DLGAP2: variants seen among roughly 807,000 people sequenced by gnomAD.
The protein encoded by DLGAP2 is DLG associated protein 2.
Under a neutral mutation model 100.3 loss-of-function variants are expected in DLGAP2, and 26 were observed. That is an observed-to-expected ratio of 0.26 (90% CI 0.19 to 0.36). The LOEUF is 0.36. DLGAP2 is among the 10% of genes least tolerant of loss of function. The pLI is 1.00. For synonymous variants in DLGAP2, 886 were observed against 630.1 expected, an observed-to-expected ratio of 1.41 and a Z score of -6.08; for missense variants, 1,858 against 1,453.2, an observed-to-expected ratio of 1.28 and a Z score of -4.53.
At chr8:1,290,914 G>T (rs944937878) in intron 3 of DLGAP2, among the ~76,000 whole-genome samples, 1 of 152,136 alleles carries the variant, frequency 6.6e-6, no homozygotes. Context: ...TTAGTGTACC[G>T]TTCACTGGTG....
intron 3 of DLGAP2, among the ~76,000 whole-genome samples, chr8:1,497,712 G>C (rs73672741): frequency 0.053 from 8,049 of 152,272 alleles, 732 homozygotes; most frequent in African/African-American, 0.18. Flanking sequence ...TGCCTAGTGA[G>C]GGTTCTGAAC....
At chr8:1,465,649 C>T (rs1003651467) in intron 3 of DLGAP2, among the ~76,000 whole-genome samples, 1 of 152,300 alleles carries the variant, frequency 6.6e-6, no homozygotes, top group East Asian at 1.9e-4. Context: ...AGTGCTAGGG[C>T]GTTTTGTGGA....
chr8:1,240,946 G>A (rs1441742387), intron 2 of DLGAP2, among the ~76,000 whole-genome samples: 1 of 9,846 alleles, frequency 1.0e-4, no homozygotes, highest in African/African-American at 6.8e-4. Context: ...ACATGGCGCC[G>A]TGTCTAGTTC....
rs186575124 is a variant in DLGAP2 at position 1,075,205 on chromosome 8, G to T, written c.73+167239G>T. ...GAGTGGGAGTTGCTGCAAAGCTCTA[G>T]GGGAGGTTCTGCCCAGATGACCACT... On this transcript the variant is annotated intron_variant, in intron 2 of 14. Transcript: ENST00000637795. Among the ~76,000 whole-genome samples the T allele has an allele frequency of 3.3e-5, 5 of 152,312 alleles. No homozygotes were observed. The East Asian group carries it at 7.7e-4, about 24-fold the overall frequency.
intron 2 of DLGAP2, among the ~76,000 whole-genome samples, chr8:985,240 C>G (rs1414106889): frequency 6.6e-6 from 1 of 152,206 alleles, no homozygotes. Flanking sequence ...AGGCCTGGCT[C>G]AGCTCTCCAC....
At chr8:883,794 C>G (rs115984374) in intron 1 of DLGAP2, among the ~76,000 whole-genome samples, 1,714 of 152,318 alleles carry the variant, frequency 0.011, 30 homozygotes, top group African/African-American at 0.039. Flanking sequence ...TCCCCCCACT[C>G]CCTAACTCGC....
chr8:1,653,762 C>T lies in DLGAP2; in HGVS notation c.1811-14567C>T, dbSNP rs1798221079. ...GTATTTCCTTTTCCATTAGGGTCAC[C>T]TTAAGATTGAGATTATGACATCCAT... is the stretch of plus-strand genomic sequence containing the variant. On this transcript the variant is annotated intron_variant, in intron 8 of 14. Transcript: ENST00000637795. 3.3e-5 allele frequency among the ~76,000 whole-genome samples: 5 copies of T among 152,104 alleles called. 1 individual carries two copies. The South Asian group carries it at 1.0e-3, about 32-fold the overall frequency.
At chr8:820,460 CA>C (rs752513975) in intron 1 of DLGAP2, among the ~76,000 whole-genome samples, 3 of 152,114 alleles carry the variant, frequency 2.0e-5, no homozygotes, top group Non-Finnish European at 4.4e-5. Flanking sequence ...AAGCATCCGG[CA>C]TATGTAAAGA....
At chr8:1,081,296 T>C (rs1803799939) in intron 2 of DLGAP2, among the ~76,000 whole-genome samples, 1 of 152,238 alleles carries the variant, frequency 6.6e-6, no homozygotes, top group Non-Finnish European at 1.5e-5. Context: ...CATTCTTAGC[T>C]ATTACTATTT....
chr8:1,387,229 G>C (rs1796241225), intron 3 of DLGAP2, among the ~76,000 whole-genome samples: 2 of 152,220 alleles, frequency 1.3e-5, no homozygotes, highest in East Asian at 1.9e-4. Flanking sequence ...AGGGTGGAGA[G>C]ACTGAGAGGC....
At chr8:1,537,061 C>CTGGTATGTGGTATG (rs67410338) in intron 4 of DLGAP2, among the ~76,000 whole-genome samples, 6 of 150,540 alleles carry the variant, frequency 4.0e-5, no homozygotes, top group Admixed American at 1.3e-4. Flanking sequence ...GGCAGCACCA[C>CTGGTATGTGGTATG]TGGTATGTGG....
At chr8:1,413,172 C>T (rs554885286) in intron 3 of DLGAP2, among the ~76,000 whole-genome samples, 2 of 152,296 alleles carry the variant, frequency 1.3e-5, no homozygotes, top group African/African-American at 4.8e-5. Context: ...CCTTCCAAGT[C>T]ATGGCTTGTC....
At chr8:996,679 A>G (rs1800793220) in intron 2 of DLGAP2, among the ~76,000 whole-genome samples, 1 of 152,180 alleles carries the variant, frequency 6.6e-6, no homozygotes, top group African/African-American at 2.4e-5. Context: ...AAAATATTCC[A>G]TGGAATGAAA....
At chr8:842,267 G>T (rs529799258) in intron 1 of DLGAP2, among the ~76,000 whole-genome samples, 1 of 152,306 alleles carries the variant, frequency 6.6e-6, no homozygotes, top group African/African-American at 2.4e-5. Context: ...TACTCCTTGA[G>T]CGATTGTACG....
intron 3 of DLGAP2, among the ~76,000 whole-genome samples, chr8:1,325,810 A>T (rs1009591729): frequency 5.9e-5 from 9 of 152,200 alleles, no homozygotes; most frequent in Admixed American, 2.6e-4. Context: ...AGTTGTCGTC[A>T]GCTCCTTTTG....
At chr8:969,649 T>C (rs1799966259) in intron 2 of DLGAP2, among the ~76,000 whole-genome samples, 1 of 152,192 alleles carries the variant, frequency 6.6e-6, no homozygotes, top group African/African-American at 2.4e-5. Flanking sequence ...AAAAGTTCCT[T>C]ATTTCTCTCT....
At chr8:806,314 T>C (rs1406807643) in intron 1 of DLGAP2, among the ~76,000 whole-genome samples, 2 of 152,202 alleles carry the variant, frequency 1.3e-5, no homozygotes, top group Non-Finnish European at 2.9e-5. Context: ...AGCTCTTCTC[T>C]CTGGAGGGCG....
At chr8:1,241,141 C>CTG (rs1798783991) in intron 2 of DLGAP2, among the ~76,000 whole-genome samples, 2 of 132,024 alleles carry the variant, frequency 1.5e-5, no homozygotes, top group African/African-American at 2.8e-5. Context: ...GTCTAGTTCT[C>CTG]TCACGTGGTG....
chr8:1,336,673 G>T (rs1473592271), intron 3 of DLGAP2, among the ~76,000 whole-genome samples: 1 of 152,152 alleles, frequency 6.6e-6, no homozygotes, highest in Non-Finnish European at 1.5e-5. Context: ...CTCAAGGAAC[G>T]TGTCTTGCTT....
Sources: gnomAD v4.1 joint callset for allele counts (sites outside exome capture counted in the v4.1 genomes callset) on GRCh38, gnomAD v4.1.1 for gene constraint, MANE v1.5 for transcripts, NCBI Gene and HGNC (gene_info 2026-07-23, HGNC 2026-07-21) for gene names.